Variants in PTPRD observed in about 807,000 individuals in gnomAD.
PTPRD encodes receptor-type tyrosine-protein phosphatase delta.
Under a neutral mutation model 214.5 loss-of-function variants are expected in PTPRD, and 34 were observed. The ratio of observed to expected loss-of-function variants is 0.16; its 90% CI spans 0.12 to 0.21. The LOEUF is 0.21. Among genes scored for constraint, PTPRD ranks in the 10% least tolerant of loss-of-function variants. The probability of loss-of-function intolerance (pLI) is 1.00; values close to 1 mark genes in which losing one functional copy is unlikely to be tolerated. For missense variants in PTPRD, 2,545 were observed against 2,398.7 expected (o/e 1.06, Z -1.27); for synonymous variants, 1,128 against 845.7 (o/e 1.33, Z -5.79).
chr9:9,017,306 T>C (rs2099540043), intron 11 of PTPRD, among the ~76,000 whole-genome samples: 1 of 152,156 alleles, frequency 6.6e-6, no homozygotes, highest in Non-Finnish European at 1.5e-5. Context: ...GATTCATTCT[T>C]TGGATAGAAA....
intron 11 of PTPRD, among the ~76,000 whole-genome samples, chr9:8,981,155 G>C (rs1323262109): frequency 6.6e-6 from 1 of 151,836 alleles, no homozygotes; most frequent in East Asian, 1.9e-4. Flanking sequence ...ACCAAAATCA[G>C]TTTATAAAAT....
intron 4 of PTPRD, among the ~76,000 whole-genome samples, chr9:9,974,813 T>C (rs186145463): frequency 1.3e-5 from 2 of 152,312 alleles, no homozygotes; most frequent in Non-Finnish European, 2.9e-5. Context: ...ACACAGTAAA[T>C]ATTCGTTGAA....
chr9:8,933,767 C>A (rs1313175393), intron 11 of PTPRD, among the ~76,000 whole-genome samples: 4 of 152,092 alleles, frequency 2.6e-5, no homozygotes, highest in South Asian at 2.1e-4. Context: ...TATGGAGGGA[C>A]AAAAACACGT....
intron 11 of PTPRD, among the ~76,000 whole-genome samples, chr9:8,852,061 A>T (rs200596537): frequency 3.3e-4 from 2 of 5,974 alleles, no homozygotes; most frequent in African/African-American, 5.6e-3. Context: ...CTAACGGTTT[A>T]AAAAAAAAAA....
intron 8 of PTPRD, among the ~76,000 whole-genome samples, chr9:9,524,365 C>G (rs777851378): frequency 6.6e-6 from 1 of 152,136 alleles, no homozygotes; most frequent in Non-Finnish European, 1.5e-5. Context: ...TAGGTTCTAC[C>G]TTTCACCATT....
At chr9:9,267,910 T>G (rs533745961) in intron 9 of PTPRD, among the ~76,000 whole-genome samples, 4 of 151,152 alleles carry the variant, frequency 2.6e-5, no homozygotes, top group Non-Finnish European at 5.9e-5. Flanking sequence ...GACCAGCCCA[T>G]AGCTAACGTC....
chr9:9,461,351 A>C (rs1345490910), intron 8 of PTPRD, among the ~76,000 whole-genome samples: 1 of 152,066 alleles, frequency 6.6e-6, no homozygotes, highest in Non-Finnish European at 1.5e-5. Flanking sequence ...ATCATTGTCT[A>C]ATTTTACATA....
intron 44 of PTPRD, among the ~76,000 whole-genome samples, chr9:8,322,047 G>A (rs1828886270): frequency 6.6e-6 from 1 of 151,998 alleles, no homozygotes; most frequent in Admixed American, 6.6e-5. Flanking sequence ...TGTTACTACT[G>A]CAATTGGTTT....
In PTPRD at chr9:9,275,112, A is replaced by AT. The variant is rs1211654156; in HGVS notation, c.-202-91750dup. On this transcript the variant is annotated intron_variant, in intron 9 of 45. Coordinates refer to ENST00000381196, the MANE Select transcript of PTPRD (RefSeq NM_002839.4). ...ATATGTTATATATATAATATATTATATATATATTATATATATTATATATAA... is the reference window on the plus strand; with the variant it reads ...ATATGTTATATATATAATATATTATATTATATATTATATATATTATATATAA... Among the ~76,000 whole-genome samples, 71 of 54,174 alleles carry AT rather than the reference A, an allele frequency of 1.3e-3. 1 individual carries two copies. The highest frequency in any genetic ancestry group is 2.2e-3 in the Non-Finnish European group (65 of 30,042). The allele number at this position is 54,174 out of a possible 152,430, so 35.5% of individuals were successfully genotyped here.
At chr9:10,528,142 T>A (rs1003454376) in intron 2 of PTPRD, among the ~76,000 whole-genome samples, 4 of 152,124 alleles carry the variant, frequency 2.6e-5, no homozygotes, top group Non-Finnish European at 5.9e-5. Flanking sequence ...CTACAGTGAA[T>A]CCTGCTCTAA....
intron 33 of PTPRD, chr9:8,460,207 CTA>C: frequency 3.0e-6 from 2 of 658,388 alleles, no homozygotes; most frequent in Non-Finnish European, 5.2e-6. Flanking sequence ...CAACAGAAGT[CTA>C]TACCAAAACT....
intron 8 of PTPRD, among the ~76,000 whole-genome samples, chr9:9,506,564 C>G (rs1391481859): frequency 6.6e-6 from 1 of 151,272 alleles, no homozygotes; most frequent in Non-Finnish European, 1.5e-5. Flanking sequence ...TAGAAGATAA[C>G]AGAAATGGCC....
intron 3 of PTPRD, among the ~76,000 whole-genome samples, chr9:10,177,495 A>G (rs552599900): frequency 6.6e-6 from 1 of 151,926 alleles, no homozygotes; most frequent in East Asian, 1.9e-4. Flanking sequence ...CATATTGGAA[A>G]GAACACACTG....
chr9:9,794,154 TAC>T (rs1462678602), intron 5 of PTPRD, among the ~76,000 whole-genome samples: 15 of 87,828 alleles, frequency 1.7e-4, no homozygotes, highest in Non-Finnish European at 3.8e-4. Flanking sequence ...TGTATATATG[TAC>T]ATGTATATAT....
At chr9:9,842,336 A>G (rs1028987474) in intron 5 of PTPRD, among the ~76,000 whole-genome samples, 4 of 131,600 alleles carry the variant, frequency 3.0e-5, no homozygotes, top group Non-Finnish European at 6.4e-5. Flanking sequence ...ATGGACACCA[A>G]GAAGGAAAAC....
intron 3 of PTPRD, among the ~76,000 whole-genome samples, chr9:10,229,626 C>G (rs1217389606): frequency 6.7e-6 from 1 of 150,332 alleles, no homozygotes; most frequent in Admixed American, 6.7e-5. Flanking sequence ...ACCGCATGTT[C>G]TCACTCATAG....
At chr9:10,216,983 T>C (rs756406020) in intron 3 of PTPRD, among the ~76,000 whole-genome samples, 3 of 151,982 alleles carry the variant, frequency 2.0e-5, no homozygotes, top group Non-Finnish European at 2.9e-5. Context: ...TATATGGTTA[T>C]TTCCTTTTTA....
intron 12 of PTPRD, among the ~76,000 whole-genome samples, chr9:8,657,976 T>A (rs1310509271): frequency 6.6e-6 from 1 of 152,212 alleles, no homozygotes; most frequent in Non-Finnish European, 1.5e-5. Flanking sequence ...ACAAATTTAT[T>A]TGGGCTTGGC....
intron 9 of PTPRD, among the ~76,000 whole-genome samples, chr9:9,364,229 A>G (rs1367061376): frequency 6.6e-6 from 1 of 151,416 alleles, no homozygotes; most frequent in Non-Finnish European, 1.5e-5. Flanking sequence ...TTTTATATGC[A>G]CATAAAGTCT....
Sources: gnomAD v4.1 joint callset for allele counts (sites outside exome capture counted in the v4.1 genomes callset) on GRCh38, gnomAD v4.1.1 for gene constraint, MANE v1.5 for transcripts, NCBI Gene and HGNC (gene_info 2026-07-23, HGNC 2026-07-21) for gene names.